Variants in PUS10 observed in about 807,000 individuals in gnomAD.
PUS10 encodes the protein pseudouridine synthase 10.
A neutral mutation model predicts 75.0 loss-of-function variants in PUS10; 59 were observed. The observed-to-expected ratio is 0.79, with a 90% confidence interval of 0.64 to 0.98. PUS10 has a LOEUF of 0.98. PUS10 is among the 50% of genes least tolerant of loss of function. The probability of loss-of-function intolerance (pLI) is 0.00; values close to 1 mark genes in which losing one functional copy is unlikely to be tolerated. For synonymous variants in PUS10, 219 were observed against 211.6 expected (o/e 1.03, Z -0.30); for missense variants, 650 against 614.4 (o/e 1.06, Z -0.61).
intron 4 of PUS10, among the ~76,000 whole-genome samples, chr2:60,990,312 T>TA (rs1332704882): frequency 5.3e-5 from 8 of 151,372 alleles, no homozygotes; most frequent in South Asian, 2.1e-4. Flanking sequence ...GCTGGACAAC[T>TA]AAAAAAAAAT....
At chr2:60,959,292 G>T (rs1675867837) in intron 11 of PUS10, among the ~76,000 whole-genome samples, 1 of 152,204 alleles carries the variant, frequency 6.6e-6, no homozygotes. Context: ...CCCCAAAGAG[G>T]CCAAGGCTGA....
intron 11 of PUS10, among the ~76,000 whole-genome samples, chr2:60,958,166 T>TGAC (rs1675799899): frequency 6.6e-6 from 1 of 152,176 alleles, no homozygotes; most frequent in Admixed American, 6.5e-5. Context: ...ACACTTGGCG[T>TGAC]GACAGGTGGC....
chr2:61,012,333 G>A (rs979876143), intron 1 of PUS10, among the ~76,000 whole-genome samples: 4 of 151,996 alleles, frequency 2.6e-5, no homozygotes, highest in African/African-American at 9.7e-5. Context: ...TGCTGGTAGT[G>A]GGGCTCAGAA....
chr2:61,001,275 G>A (rs1489347813), intron 4 of PUS10, among the ~76,000 whole-genome samples: 1 of 150,728 alleles, frequency 6.6e-6, no homozygotes, highest in East Asian at 1.9e-4. Context: ...ATAGACATAA[G>A]CCATAAGCCA....
chr2:60,953,360 C>G (rs566209236), intron 14 of PUS10, among the ~76,000 whole-genome samples: 1 of 152,278 alleles, frequency 6.6e-6, no homozygotes, highest in African/African-American at 2.4e-5. Context: ...TTATTCTCCC[C>G]CAGCCCTAGA....
At chr2:61,012,969 T>C (rs988452733) in intron 1 of PUS10, among the ~76,000 whole-genome samples, 1 of 144,292 alleles carries the variant, frequency 6.9e-6, no homozygotes, top group Non-Finnish European at 1.5e-5. Flanking sequence ...CTAGGCAAGG[T>C]GCAGTGGCTC....
At chr2:61,017,644 G>T (rs917510995) in intron 1 of PUS10, 7 of 746,120 alleles carry the variant, frequency 9.4e-6, no homozygotes, top group East Asian at 2.7e-5. Flanking sequence ...TGACTGCAAG[G>T]GTGGGCGGGG....
chr2:61,007,262 G>T, intron 3 of PUS10, among the ~76,000 whole-genome samples: 1 of 150,764 alleles, frequency 6.6e-6, no homozygotes, highest in Non-Finnish European at 1.5e-5. Context: ...ATCCAATTGT[G>T]TGAAACAAGT....
intron 4 of PUS10, among the ~76,000 whole-genome samples, chr2:60,994,444 T>A (rs1678319100): frequency 6.6e-6 from 1 of 151,966 alleles, no homozygotes; most frequent in East Asian, 1.9e-4. Context: ...ATTCCTGAAT[T>A]TTAAGATAGG....
At chr2:60,955,100 A>G (rs771177878) in intron 11 of PUS10, 26 bp from the exon 12 acceptor site, 4 of 1,467,408 alleles carry the variant, frequency 2.7e-6, no homozygotes, top group Admixed American at 3.6e-5. Flanking sequence ...AAAGAAAAAA[A>G]AATTAGAGAC....
chr2:60,965,591 G>A, intron 6 of PUS10, 107 bp from the exon 7 acceptor site: 1 of 812,186 alleles, frequency 1.2e-6, no homozygotes. Context: ...AGAAAAGAAT[G>A]ACCAGAAAAA....
At chr2:60,989,488 C>A (rs1159322049) in intron 4 of PUS10, among the ~76,000 whole-genome samples, 2 of 152,130 alleles carry the variant, frequency 1.3e-5, no homozygotes, top group Non-Finnish European at 2.9e-5. Flanking sequence ...GTTTTTGGAC[C>A]TTGGCAGATT....
At chr2:60,991,839 A>C (rs557940146) in intron 4 of PUS10, among the ~76,000 whole-genome samples, 1 of 152,266 alleles carries the variant, frequency 6.6e-6, no homozygotes, top group South Asian at 2.1e-4. Context: ...AAAGAAATAA[A>C]TATTACGAAA....
chr2:60,993,342 C>T (rs1301345103), intron 4 of PUS10, among the ~76,000 whole-genome samples: 1 of 151,818 alleles, frequency 6.6e-6, no homozygotes, highest in Non-Finnish European at 1.5e-5. Context: ...CTGCAGTCCC[C>T]GCTACTTGAC....
chr2:60,988,549 G>A (rs1230522291), intron 4 of PUS10, among the ~76,000 whole-genome samples: 2 of 152,090 alleles, frequency 1.3e-5, no homozygotes, highest in African/African-American at 4.8e-5. Flanking sequence ...ATTAAAATTA[G>A]ACAAATGCAA....
At chr2:61,010,770 T>C in intron 2 of PUS10, 1 of 1,549,746 alleles carries the variant, frequency 6.5e-7, no homozygotes, top group Non-Finnish European at 8.7e-7. Context: ...ATCCATGTCT[T>C]CTAGTTCCAA....
At chr2:60,990,624 A>T (rs1678016600) in intron 4 of PUS10, among the ~76,000 whole-genome samples, 1 of 152,222 alleles carries the variant, frequency 6.6e-6, no homozygotes, top group Admixed American at 6.5e-5. Context: ...TGGCTGGATT[A>T]AGGTAATTCA....
intron 4 of PUS10, among the ~76,000 whole-genome samples, chr2:61,000,236 T>C (rs1678765264): frequency 1.3e-5 from 2 of 152,190 alleles, no homozygotes; most frequent in African/African-American, 4.8e-5. Flanking sequence ...CTCAAATATT[T>C]AAGGAAAGCA....
intron 4 of PUS10, among the ~76,000 whole-genome samples, chr2:61,003,290 C>T (rs1285373848): frequency 6.6e-6 from 1 of 151,886 alleles, no homozygotes; most frequent in Admixed American, 6.6e-5. Context: ...GGTGAAACCG[C>T]GTCTCTACTA....
Sources: allele counts gnomAD v4.1 joint callset (sites outside exome capture counted in the v4.1 genomes callset), GRCh38; gene constraint gnomAD v4.1.1; transcripts MANE v1.5; gene names NCBI Gene and HGNC (gene_info 2026-07-23, HGNC 2026-07-21).